Variants in CPNE2 observed in about 807,000 individuals in gnomAD.
CPNE2 encodes the protein copine 2.
Under a neutral mutation model 69.7 loss-of-function variants are expected in CPNE2, and 42 were observed. That is an observed-to-expected ratio of 0.60 (90% CI 0.47 to 0.78). CPNE2 has a LOEUF of 0.78. CPNE2 is among the 30% of genes least tolerant of loss of function. CPNE2 has a pLI of 0.00. For synonymous variants in CPNE2, 294 were observed against 289.8 expected (o/e 1.01, Z -0.15); for missense variants, 587 against 732.0 (o/e 0.80, Z 2.29).
At chr16:57,138,401 C>G (rs1212389028) in intron 14 of CPNE2, among the ~76,000 whole-genome samples, 1 of 152,188 alleles carries the variant, frequency 6.6e-6, no homozygotes, top group African/African-American at 2.4e-5. Flanking sequence ...GTTTCCCCCA[C>G]TGGAGGGTCA....
intron 14 of CPNE2, chr16:57,141,577 G>T (rs908127554): frequency 6.6e-6 from 1 of 152,228 alleles, no homozygotes; most frequent in Non-Finnish European, 1.5e-5. Context: ...TTATCCCCTT[G>T]GCCTCAGGGT....
intron 11 of CPNE2, among the ~76,000 whole-genome samples, chr16:57,127,402 A>T (rs2069808048): frequency 6.6e-6 from 1 of 152,134 alleles, no homozygotes; most frequent in South Asian, 2.1e-4. Flanking sequence ...AGGAGATAAG[A>T]CTAGGCTCTG....
Position 57,146,138 on chromosome 16 carries a change from G to C in CPNE2, c.1356G>C (p.Glu452Asp). 1 of 1,596,514 alleles carries C rather than the reference G, an allele frequency of 6.3e-7. No homozygotes were observed. The highest frequency in any genetic ancestry group is 1.3e-5 in the African/African-American group (1 of 74,734). The change falls in exon 15 of 16, where the codon GAG becomes GAC. Residue 452 changes from glutamate (E) to aspartate (D), a missense_variant. Transcript: ENST00000290776. The surrounding 1 kb of genome is among the most constrained non-coding windows in gnomAD (Gnocchi z 4.4). ...ITDGVISDME[E>D]TRHAVVQASK... is the part of the protein sequence containing the mutation. ...ACGGGGTCATCAGTGACATGGAGGA[G>C]ACACGGCATGCCGTGGTGCAGGCTT...
chr16:57,131,230 T>C (rs1188499598), intron 12 of CPNE2, among the ~76,000 whole-genome samples: 2 of 152,266 alleles, frequency 1.3e-5, no homozygotes, highest in Non-Finnish European at 2.9e-5. Context: ...CTCCTAAGCC[T>C]GCACATGGGT....
At chr16:57,137,050 T>G in intron 13 of CPNE2, 99 bp from the exon 14 acceptor site, 3 of 1,499,060 alleles carry the variant, frequency 2.0e-6, no homozygotes, top group Non-Finnish European at 2.7e-6. Flanking sequence ...GGCAGGGACA[T>G]TTTGGGTAAG....
Position 57,146,032 on chromosome 16 carries a change from G to A in CPNE2, c.1303-53G>A. The A allele has an allele frequency of 6.9e-7, 1 of 1,453,930 alleles. No individual in the cohort carries two copies. The highest frequency in any genetic ancestry group is 9.5e-7 in the Non-Finnish European group (1 of 1,048,998). The allele number at this position is 1,453,930 out of a possible 1,614,324, so 90.1% of individuals were successfully genotyped here. Reference sequence around the variant, plus strand: ...TTTGGGATGAAGGAGGGAGGGAGAAGGGGTGCCAGAGCCTCGACCTTGCTG... The same window carrying A: ...TTTGGGATGAAGGAGGGAGGGAGAAAGGGTGCCAGAGCCTCGACCTTGCTG... On this transcript the variant is annotated intron_variant, in intron 14 of 15. Coordinates refer to ENST00000290776, the MANE Select transcript of CPNE2 (RefSeq NM_152727.6). This position sits in a 1 kb window ranked among gnomAD's most constrained non-coding sequence, Gnocchi z 4.4.
chr16:57,096,865 G>C (rs1281103247), intron 1 of CPNE2, among the ~76,000 whole-genome samples: 1 of 152,074 alleles, frequency 6.6e-6, no homozygotes, highest in African/African-American at 2.4e-5. Context: ...ACAAAAGCCT[G>C]CAGGGATACA....
At chr16:57,119,372 C>A in intron 6 of CPNE2, 94 bp downstream of exon 6, 1 of 1,361,980 alleles carries the variant, frequency 7.3e-7, no homozygotes, top group Non-Finnish European at 1.0e-6. Context: ...CACAGCCGCT[C>A]AGTGTGCAGG....
chr16:57,115,583 T>TC, intron 4 of CPNE2, 33 bp downstream of exon 4: 1 of 1,415,612 alleles, frequency 7.1e-7, no homozygotes, highest in Non-Finnish European at 9.7e-7. Flanking sequence ...CCGCACCCCC[T>TC]CCATCCCCAC....
chr16:57,143,472 A>G (rs2069936780), intron 14 of CPNE2: 1 of 152,356 alleles, frequency 6.6e-6, no homozygotes, highest in African/African-American at 2.4e-5. Flanking sequence ...GTTGGAGACA[A>G]TGACAGACCA....
Position 57,133,691 on chromosome 16 carries a change from G to A in CPNE2, c.1117-1084G>A, listed in dbSNP as rs535939884. 4.6e-5 allele frequency among the ~76,000 whole-genome samples: 7 copies of A among 152,290 alleles called. 1 individual carries two copies. In the East Asian group the frequency reaches 1.2e-3, roughly 25 times the overall value. ...CATTGAAAATCCCTGGGGGAGGAAT[G>A]CCTTTGGAGGTTAGCGTGAGCTCTG... On this transcript the variant is annotated intron_variant, in intron 12 of 15. Coordinates refer to ENST00000290776, the MANE Select transcript of CPNE2 (RefSeq NM_152727.6).
At chr16:57,109,683 T>C (rs1460336941) in intron 1 of CPNE2, among the ~76,000 whole-genome samples, 6 of 152,134 alleles carry the variant, frequency 3.9e-5, no homozygotes. Flanking sequence ...ATGGCCCTGG[T>C]GGAAGTGTAG....
rs1024660523 is a variant in CPNE2, at chr16:57,125,748, C to T, written c.928-112C>T. On this transcript the variant is annotated intron_variant, in intron 10 of 15. Coordinates refer to ENST00000290776, the MANE Select transcript of CPNE2 (RefSeq NM_152727.6). ...TCAGACCATCTTATTGTGGGGAGGGCTGGGAGATGAGTGGGCTTCCCATGT... is the reference window on the plus strand; with the variant it reads ...TCAGACCATCTTATTGTGGGGAGGGTTGGGAGATGAGTGGGCTTCCCATGT... The T allele has an allele frequency of 1.2e-4, 156 of 1,324,802 alleles. 1 individual carries two copies. Among genetic ancestry groups the T allele is most frequent in the Non-Finnish European group, 3.8e-5 (37 of 961,406 alleles). 82.1% of individuals were successfully genotyped at this position (1,324,802 alleles called of 1,614,324 possible). A position where few individuals can be genotyped will look rare whatever the true frequency, so the allele number is the denominator to read the frequency against.
At chr16:57,108,681 C>A (rs1326419269) in intron 1 of CPNE2, among the ~76,000 whole-genome samples, 4 of 152,174 alleles carry the variant, frequency 2.6e-5, no homozygotes, top group African/African-American at 7.2e-5. Flanking sequence ...GTCTGCTGGG[C>A]CTGTGATGGG....
chr16:57,095,884 G>T lies in CPNE2; in HGVS notation c.-36+3094G>T, dbSNP rs575070524. 9.1e-4 allele frequency among the ~76,000 whole-genome samples: 139 copies of T among 152,254 alleles called. 2 individuals carry two copies. Among genetic ancestry groups the T allele is most frequent in the Middle Eastern group, 6.8e-3 (2 of 294 alleles). On this transcript the variant is annotated intron_variant, in intron 1 of 15. Coordinates refer to ENST00000290776, the MANE Select transcript of CPNE2 (RefSeq NM_152727.6). ...ATCTCCTGGTTGTATTTTTCTTGGGGCATTTGCCACTCTTTAAAACCATCT... is the reference window on the plus strand; with the variant it reads ...ATCTCCTGGTTGTATTTTTCTTGGGTCATTTGCCACTCTTTAAAACCATCT...
chr16:57,135,426 T>G (rs1175536853), intron 13 of CPNE2, among the ~76,000 whole-genome samples: 1 of 152,070 alleles, frequency 6.6e-6, no homozygotes, highest in Non-Finnish European at 1.5e-5. Flanking sequence ...CCCAGCACTT[T>G]GGGAAGCTGA....
intron 1 of CPNE2, among the ~76,000 whole-genome samples, chr16:57,106,411 G>A (rs2069648954): frequency 6.6e-6 from 1 of 152,224 alleles, no homozygotes; most frequent in Non-Finnish European, 1.5e-5. Context: ...CAAGATAATG[G>A]GGCTTGGATG....
At position 57,147,762 on chromosome 16, in the gene CPNE2, CCT is replaced by C. The variant is rs1220042753; in HGVS notation, c.*105_*106del. On this transcript the variant is annotated 3_prime_UTR_variant, in exon 16 of 16. Transcript: ENST00000290776. ...GTGGGTGGCCTTTTTTTACCGATCC[CCT>C]TTTTTATTTTTTACAACCGGACCTC... is the stretch of plus-strand genomic sequence containing the variant. 1.3e-5 allele frequency: 9 copies of C among 668,580 alleles called. No individual in the cohort carries two copies. The highest frequency in any genetic ancestry group is 1.8e-5 in the African/African-American group (1 of 54,222). The allele number at this position is 668,580 out of a possible 1,614,324, so 41.4% of individuals were successfully genotyped here.
chr16:57,121,861 A>C, intron 9 of CPNE2, 101 bp downstream of exon 9: 2 of 1,127,310 alleles, frequency 1.8e-6, no homozygotes, highest in Non-Finnish European at 2.6e-6. Flanking sequence ...CCTGTGTTCA[A>C]ATCCCGGCTC....
Sources: allele counts gnomAD v4.1 joint callset (sites outside exome capture counted in the v4.1 genomes callset), GRCh38; gene constraint gnomAD v4.1.1; non-coding constraint Gnocchi (gnomAD v3.1); transcripts MANE v1.5; gene names NCBI Gene and HGNC (gene_info 2026-07-23, HGNC 2026-07-21).